Variants in SLC35B1 observed in about 807,000 individuals in gnomAD.
SLC35B1 encodes solute carrier family 35 member B1, also known as ATP/ADP exchanger ER.
SLC35B1 carries 27 observed loss-of-function variants against 36.6 expected under a neutral mutation model. The ratio of observed to expected loss-of-function variants is 0.74; its 90% CI spans 0.54 to 1.02. The LOEUF (loss-of-function observed/expected upper bound fraction) is 1.02. Among genes scored for constraint, SLC35B1 ranks in the 50% least tolerant of loss-of-function variants. The pLI, the probability that SLC35B1 is intolerant of heterozygous loss-of-function variation, is 0.00. For synonymous variants in SLC35B1, 162 were observed against 152.5 expected, an observed-to-expected ratio of 1.06 and a Z score of -0.46; for missense variants, 321 against 383.2, an observed-to-expected ratio of 0.84 and a Z score of 1.35.
At chr17:49,705,387 A>C in intron 4 of SLC35B1, 106 bp from the exon 5 acceptor site, 1 of 1,177,744 alleles carries the variant, frequency 8.5e-7, no homozygotes, top group South Asian at 1.5e-5. Flanking sequence ...GAAAAGAATG[A>C]CTGAGAAGGA....
chr17:49,704,117 G>T lies in SLC35B1; in HGVS notation c.638C>A (p.Thr213Lys). The T allele has an allele frequency of 6.2e-7, 1 of 1,614,188 alleles. No homozygotes were observed. Among genetic ancestry groups the T allele is most frequent in the South Asian group, 1.1e-5 (1 of 91,086 alleles). Reference sequence around the variant, plus strand: ...GCTCTCACCCATTCCCAGCAGCAATGTCGACCAAAGGTTGATGTTCAGCAT... The same window carrying T: ...GCTCTCACCCATTCCCAGCAGCAATTTCGACCAAAGGTTGATGTTCAGCAT... ...HMMLNINLWS[T>K]LLLGMGILFT... The change falls in exon 6 of 9, where the codon ACA (threonine) becomes AAA (lysine). Residue 213 changes from threonine (T) to lysine (K), a missense_variant. Transcript: ENST00000240333.
intron 4 of SLC35B1, chr17:49,705,577 A>C: frequency 1.7e-6 from 1 of 586,662 alleles, no homozygotes; most frequent in South Asian, 2.1e-5. Context: ...ACTGATGATC[A>C]AAATGGGAAT....
chr17:49,707,898 G>C lies in SLC35B1; in HGVS notation c.-65C>G, dbSNP rs754254014. The C allele has an allele frequency of 1.3e-6, 2 of 1,597,430 alleles. No homozygotes were observed. The highest frequency in any genetic ancestry group is 2.7e-5 in the African/African-American group (2 of 74,760). On this transcript the variant is annotated 5_prime_UTR_variant, in exon 1 of 9. Transcript: ENST00000240333. ...CGGCACCGGCAGCAGCGGCGGCGGAGGCGACAGCTCCAGCCGGACATCGCC... is the reference window on the plus strand; with the variant it reads ...CGGCACCGGCAGCAGCGGCGGCGGACGCGACAGCTCCAGCCGGACATCGCC...
chr17:49,702,767 C>A, intron 8 of SLC35B1, 91 bp downstream of exon 8: 4 of 1,406,964 alleles, frequency 2.8e-6, no homozygotes, highest in Non-Finnish European at 3.9e-6. Context: ...GAAAAGTTTT[C>A]TCTAAAATAT....
intron 5 of SLC35B1, among the ~76,000 whole-genome samples, 160 bp from the exon 6 acceptor site, chr17:49,704,386 G>C (rs1303752011): frequency 1.3e-5 from 2 of 152,142 alleles, no homozygotes; most frequent in East Asian, 3.8e-4. Context: ...GGTGGGGAGA[G>C]ACCATGCTCA....
At position 49,704,197 on chromosome 17, in the gene SLC35B1, A is replaced by G. The variant is rs1412714493; in HGVS notation, c.558T>C (p.Thr186=). The change falls in exon 6 of 9, where the codon ACT becomes ACC. Residue 186 remains threonine (T), a synonymous_variant. Transcript: ENST00000240333. Reference sequence around the variant, plus strand: ...CCCGCATGTGGTCCTGGGAAACACCAGTCAGTCCATCCAGGGTCAGCGATA... The same window carrying G: ...CCCGCATGTGGTCCTGGGAAACACCGGTCAGTCCATCCAGGGTCAGCGATA... The part of the protein sequence containing the change: ...LLLSLTLDGL[T]GVSQDHMRAH... 3 of 1,613,884 alleles carry G rather than the reference A, an allele frequency of 1.9e-6. No homozygotes were observed. The highest frequency in any genetic ancestry group is 1.7e-6 in the Non-Finnish European group (2 of 1,180,014).
At chr17:49,707,967 C>G (rs2073444084), upstream of SLC35B1, 2 of 1,527,586 alleles carry the variant, frequency 1.3e-6, no homozygotes, top group Middle Eastern at 1.7e-4. Context: ...CGACCGCTGT[C>G]CAGCAGGGCC....
At chr17:49,703,356 A>ATG (rs2073376635) in intron 6 of SLC35B1, 62 bp from the exon 7 acceptor site, 2 of 816,202 alleles carry the variant, frequency 2.5e-6, no homozygotes, top group African/African-American at 3.5e-5. Flanking sequence ...GCGCACACAC[A>ATG]CACACACACA....
At chr17:49,702,507 G>A (rs1598007770) in intron 8 of SLC35B1, 1 of 183,936 alleles carries the variant, frequency 5.4e-6, no homozygotes, top group African/African-American at 2.4e-5. Context: ...TGAGGCGGGG[G>A]GAATCACCTG....
chr17:49,708,139 A>AT (rs1480520157), upstream of SLC35B1: 30 of 697,580 alleles, frequency 4.3e-5, no homozygotes, highest in East Asian at 1.6e-4. Flanking sequence ...CGCCCTGGAG[A>AT]TTTTTCCAAT....
intron 5 of SLC35B1, among the ~76,000 whole-genome samples, chr17:49,704,493 T>C (rs906862256): frequency 5.7e-5 from 8 of 140,438 alleles, no homozygotes; most frequent in African/African-American, 2.1e-4. Context: ...GGAAGCTCAC[T>C]TCCCAACATA....
Position 49,706,953 on chromosome 17 carries a change from C to A in SLC35B1, c.208+12G>T. On this transcript the variant is annotated intron_variant, in intron 2 of 8. Coordinates refer to ENST00000240333, the MANE Select transcript of SLC35B1 (RefSeq NM_005827.4). ...GGTGGGGTACCCAACAAATTACTAT[C>A]TGGGTACTCACAGATCTTGGCAAAC... 1 of 1,592,506 alleles carries A rather than the reference C, an allele frequency of 6.3e-7. No homozygotes were observed. The highest frequency in any genetic ancestry group is 2.2e-5 in the East Asian group (1 of 44,764).
Position 49,705,210 on chromosome 17 carries a change from CAATT to C in SLC35B1, c.438_441del (p.Ile147TrpfsTer17). On this transcript the variant is annotated frameshift_variant, in exon 5 of 9. Transcript: ENST00000240333. LOFTEE classifies it high-confidence loss of function. ...TACATGAAAAGGGCCACTCCAGCCACAATTAACAGCACACACAGGTACTTGGCCA... is the reference window on the plus strand; with the variant it reads ...TACATGAAAAGGGCCACTCCAGCCACAACAGCACACACAGGTACTTGGCCA... 1 of 1,614,220 alleles carries C rather than the reference CAATT, an allele frequency of 6.2e-7. No homozygotes were observed. The highest frequency in any genetic ancestry group is 8.5e-7 in the Non-Finnish European group (1 of 1,180,028).
In SLC35B1 at chr17:49,706,212, G is replaced by C. The variant is rs1567821006; in HGVS notation, c.331C>G (p.Pro111Ala). The part of the protein sequence containing the change: ...SNSALQFVNY[P>A]TQVLGKSCKP... ...CCACCCTGAGGTTTCACCTGAGTTG[G>C]GTAGTTGACAAACTGTAGTGCTGAA... Residue 111 changes from proline (P) to alanine (A), a missense_variant, in exon 3 of 9, where the codon CCA (proline) becomes GCA (alanine). Physicochemically the swap from Pro to Ala is conservative, Grantham distance 27. Coordinates refer to ENST00000240333, the MANE Select transcript of SLC35B1 (RefSeq NM_005827.4). The C allele has an allele frequency of 6.2e-7, 1 of 1,601,554 alleles. No homozygotes were observed. The highest frequency in any genetic ancestry group is 1.8e-5 in the Admixed American group (1 of 56,448).
At position 49,703,057 on chromosome 17, in the gene SLC35B1, C is replaced by T. The variant is rs773120151; in HGVS notation, c.763-46G>A. 2.5e-6 allele frequency: 4 copies of T among 1,610,876 alleles called. No homozygotes were observed. The East Asian group carries it at 8.9e-5, about 36-fold the overall frequency. On this transcript the variant is annotated intron_variant, in intron 7 of 8. Transcript: ENST00000240333. The stretch of plus-strand genomic sequence containing the variant: ...GGTCCGGTGGGCTTCTGGGTATCTG[C>T]CATTGGTCTAAAGTCTATAAACAGA...
chr17:49,703,356 A>G (rs748804308), intron 6 of SLC35B1, 62 bp from the exon 7 acceptor site: 8,224 of 816,342 alleles, frequency 0.01, 249 homozygotes, highest in African/African-American at 0.096. Context: ...GCGCACACAC[A>G]CACACACACA....
Position 49,702,957 on chromosome 17 carries a change from T to A in SLC35B1, c.817A>T (p.Thr273Ser). ...ATTGTGAAGAACTTTCGAGTTGTAGTGATGATGGAGCAGGTCAGGGGACCA... is the reference window on the plus strand; with the variant it reads ...ATTGTGAAGAACTTTCGAGTTGTAGAGATGATGGAGCAGGTCAGGGGACCA... ...YFGPLTCSII[T>S]TTRKFFTILA... Residue 273 changes from threonine to serine, a missense_variant, in exon 8 of 9, where the codon ACT becomes TCT. Coordinates refer to ENST00000240333, the MANE Select transcript of SLC35B1 (RefSeq NM_005827.4). 1 of 1,613,952 alleles carries A rather than the reference T, an allele frequency of 6.2e-7. No homozygotes were observed. Among genetic ancestry groups the A allele is most frequent in the Non-Finnish European group, 8.5e-7 (1 of 1,179,994 alleles).
chr17:49,707,657 C>G, intron 1 of SLC35B1, 73 bp downstream of exon 1: 1 of 1,538,262 alleles, frequency 6.5e-7, no homozygotes, highest in Non-Finnish European at 8.8e-7. Context: ...AAGCCCGGGT[C>G]CAGAGGCAGA....
Position 49,701,345 on chromosome 17 carries a change from TA to T in SLC35B1, c.*112del. 3.8e-6 allele frequency: 3 copies of T among 798,058 alleles called. No individual in the cohort carries two copies. The highest frequency in any genetic ancestry group is 2.4e-5 in the Admixed American group (1 of 42,006). 49.4% of individuals were successfully genotyped at this position (798,058 alleles called of 1,614,324 possible). A position where few individuals can be genotyped will look rare whatever the true frequency, so the allele number is the denominator to read the frequency against. On this transcript the variant is annotated 3_prime_UTR_variant, in exon 9 of 9. Transcript: ENST00000240333. Reference sequence around the variant, plus strand: ...GTGATTTTGCTTGATTTTATTTTATTAAAAAAGACTGGAACTCAGTCCCATA... The same window carrying T: ...GTGATTTTGCTTGATTTTATTTTATTAAAAAGACTGGAACTCAGTCCCATA...
Sources: allele counts gnomAD v4.1 joint callset (sites outside exome capture counted in the v4.1 genomes callset), GRCh38; gene constraint gnomAD v4.1.1; transcripts MANE v1.5; gene names NCBI Gene and HGNC (gene_info 2026-07-23, HGNC 2026-07-21).